HCN1: variants seen among roughly 807,000 people sequenced by gnomAD.
The protein encoded by HCN1 is hyperpolarization activated cyclic nucleotide gated potassium channel 1.
A neutral mutation model predicts 78.9 loss-of-function variants in HCN1; 13 were observed. The ratio of observed to expected loss-of-function variants is 0.16; its 90% confidence interval spans 0.11 to 0.26. The LOEUF (loss-of-function observed/expected upper bound fraction) is 0.26, where lower values mean the gene tolerates loss of function less well. Among genes scored for constraint, HCN1 ranks in the 10% least tolerant of loss-of-function variants. HCN1 has a pLI of 1.00. For synonymous variants in HCN1, 552 were observed against 455.5 expected (o/e 1.21, Z -2.70); for missense variants, 810 against 1,154.3 (o/e 0.70, Z 4.32).
intron 2 of HCN1, among the ~76,000 whole-genome samples, chr5:45,551,595 G>A (rs553056590): frequency 2.0e-5 from 3 of 151,500 alleles, no homozygotes; most frequent in Admixed American, 6.6e-5. Flanking sequence ...CCTCACAAAG[G>A]GCATTGTTTA....
chr5:45,581,786 C>G (rs1398329844), intron 2 of HCN1, among the ~76,000 whole-genome samples: 2 of 152,184 alleles, frequency 1.3e-5, no homozygotes, highest in Non-Finnish European at 2.9e-5. Context: ...GAATCCTTTC[C>G]CCATTGCTTG....
At chr5:45,614,898 T>C (rs1418078873) in intron 2 of HCN1, among the ~76,000 whole-genome samples, 1 of 151,912 alleles carries the variant, frequency 6.6e-6, no homozygotes, top group Non-Finnish European at 1.5e-5. Context: ...ATTTGGAAAT[T>C]CATCTATTGG....
At position 45,315,615 on chromosome 5, in the gene HCN1, T is replaced by C. The variant is rs192009479; in HGVS notation, c.1378-11776A>G. Among the ~76,000 whole-genome samples, 89 of 152,032 alleles carry C rather than the reference T, an allele frequency of 5.9e-4. 1 individual carries two copies. In the East Asian group the frequency reaches 0.015, roughly 25 times the overall value. On this transcript the variant is annotated intron_variant, in intron 5 of 7. Coordinates refer to ENST00000303230, the MANE Select transcript of HCN1 (RefSeq NM_021072.4). ...CACAAAAAACCCTTCAGAAAAACCA[T>C]GAATCCAGGAGCTGGTTTTTGAAAA...
intron 1 of HCN1, among the ~76,000 whole-genome samples, chr5:45,669,299 G>T (rs1480916190): frequency 6.6e-6 from 1 of 151,804 alleles, no homozygotes; most frequent in South Asian, 2.1e-4. Flanking sequence ...TACTTGAAGA[G>T]AGGAAGTTGA....
At chr5:45,309,974 A>G (rs746584934) in intron 5 of HCN1, among the ~76,000 whole-genome samples, 1 of 152,104 alleles carries the variant, frequency 6.6e-6, no homozygotes, top group Non-Finnish European at 1.5e-5. Context: ...GGTAGAATTC[A>G]GCTGTGAATC....
chr5:45,515,415 T>C (rs1033117776), intron 2 of HCN1, among the ~76,000 whole-genome samples: 3 of 152,018 alleles, frequency 2.0e-5, no homozygotes, highest in Non-Finnish European at 4.4e-5. Flanking sequence ...AACAATTGCT[T>C]ACTGAATATT....
At chr5:45,692,042 T>C (rs1357163978) in intron 1 of HCN1, among the ~76,000 whole-genome samples, 5 of 152,176 alleles carry the variant, frequency 3.3e-5, no homozygotes, top group South Asian at 2.1e-4. Flanking sequence ...TGGCAATACA[T>C]ATGGAAAGGA....
chr5:45,427,493 T>C (rs1241083384), intron 3 of HCN1, among the ~76,000 whole-genome samples: 1 of 152,120 alleles, frequency 6.6e-6, no homozygotes, highest in Non-Finnish European at 1.5e-5. Context: ...TTATGTTTTC[T>C]CCAAAATCTG....
At chr5:45,284,397 T>C (rs1561088187) in intron 6 of HCN1, among the ~76,000 whole-genome samples, 1 of 152,076 alleles carries the variant, frequency 6.6e-6, no homozygotes, top group Non-Finnish European at 1.5e-5. Flanking sequence ...AGGTAAATGA[T>C]TGCATTTATA....
chr5:45,262,079 C>A lies in HCN1; in HGVS notation c.2515G>T (p.Val839Phe), dbSNP rs1328423751. The stretch of plus-strand genomic sequence containing the variant: ...GACGACATCTGTCGGAAGAGGGTGA[C>A]GCGCTGCGGGACAGTGCTCCTGCCC... The part of the protein sequence containing the change: ...AGGRSTVPQR[V>F]TLFRQMSSGA... Residue 839 changes from valine to phenylalanine, a missense_variant, in exon 8 of 8, where the codon GTC (valine) becomes TTC (phenylalanine). By Grantham distance (50) the Val-to-Phe change is conservative. This residue lies in a region of HCN1 where 398 missense variants were observed against 381.3 expected (regional missense o/e 1.04). Transcript: ENST00000303230. The A allele has an allele frequency of 1.9e-6, 3 of 1,613,632 alleles. No individual in the cohort carries two copies. The highest frequency in any genetic ancestry group is 2.5e-6 in the Non-Finnish European group (3 of 1,179,866).
intron 4 of HCN1, among the ~76,000 whole-genome samples, chr5:45,368,908 G>A (rs1360580966): frequency 6.6e-6 from 1 of 151,912 alleles, no homozygotes; most frequent in Non-Finnish European, 1.5e-5. Context: ...ACATTTTCGT[G>A]AGAAATCATC....
intron 2 of HCN1, among the ~76,000 whole-genome samples, chr5:45,638,544 C>A (rs1745396903): frequency 6.6e-6 from 1 of 152,152 alleles, no homozygotes; most frequent in Non-Finnish European, 1.5e-5. Flanking sequence ...AAAGAGCATT[C>A]ATAAAATTAA....
At chr5:45,338,288 T>C (rs1031634704) in intron 5 of HCN1, among the ~76,000 whole-genome samples, 1 of 152,152 alleles carries the variant, frequency 6.6e-6, no homozygotes, top group Non-Finnish European at 1.5e-5. Context: ...AGTTTCTGAA[T>C]TCCCAGACTT....
At chr5:45,546,610 T>C (rs1218554584) in intron 2 of HCN1, among the ~76,000 whole-genome samples, 4 of 151,914 alleles carry the variant, frequency 2.6e-5, no homozygotes, top group Non-Finnish European at 4.4e-5. Flanking sequence ...TTCACTTTTA[T>C]TAATTCAAAT....
chr5:45,597,716 C>G (rs994587506), intron 2 of HCN1, among the ~76,000 whole-genome samples: 3 of 152,158 alleles, frequency 2.0e-5, no homozygotes, highest in Non-Finnish European at 4.4e-5. Context: ...GCAACTTCAG[C>G]GAAGTCTCAG....
chr5:45,402,229 C>T (rs1001579518), intron 3 of HCN1, among the ~76,000 whole-genome samples: 3 of 152,084 alleles, frequency 2.0e-5, no homozygotes, highest in Non-Finnish European at 4.4e-5. Context: ...CAGTACAAAA[C>T]GGGAAGCCAA....
At chr5:45,496,277 G>A (rs1200408606) in intron 2 of HCN1, among the ~76,000 whole-genome samples, 2 of 151,536 alleles carry the variant, frequency 1.3e-5, no homozygotes, top group South Asian at 2.1e-4. Flanking sequence ...CACAATTTCA[G>A]AGCCTGTTAT....
intron 3 of HCN1, among the ~76,000 whole-genome samples, chr5:45,427,725 G>A (rs992250621): frequency 9.2e-5 from 14 of 151,996 alleles, no homozygotes; most frequent in African/African-American, 3.4e-4. Flanking sequence ...GCTTTTATTT[G>A]TTCTTGTGCT....
intron 5 of HCN1, among the ~76,000 whole-genome samples, chr5:45,342,496 C>T (rs1264408547): frequency 2.0e-5 from 3 of 151,920 alleles, no homozygotes; most frequent in Admixed American, 2.0e-4. Context: ...CCTCGGCCAC[C>T]CAAAATGCTG....
Sources: allele counts gnomAD v4.1 joint callset (sites outside exome capture counted in the v4.1 genomes callset), GRCh38; gene constraint gnomAD v4.1.1; regional missense constraint gnomAD v4.1.1; transcripts MANE v1.5; gene names NCBI Gene and HGNC (gene_info 2026-07-23, HGNC 2026-07-21).